Variants in WDR59 observed in about 807,000 individuals in gnomAD.
WDR59 encodes WD repeat domain 59.
A neutral mutation model predicts 131.2 loss-of-function variants in WDR59; 100 were observed. The ratio of observed to expected loss-of-function variants is 0.76; its 90% CI spans 0.65 to 0.90. WDR59 has a LOEUF of 0.90. Ranked by LOEUF, WDR59 falls within the 40% of genes least tolerant of loss-of-function variation. The pLI is 0.00. For synonymous variants in WDR59, 601 were observed against 466.2 expected (o/e 1.29, Z -3.72); for missense variants, 1,203 against 1,262.2 (o/e 0.95, Z 0.71).
At chr16:74,961,958 A>T (rs968714519) in intron 2 of WDR59, among the ~76,000 whole-genome samples, 2 of 151,966 alleles carry the variant, frequency 1.3e-5, no homozygotes, top group African/African-American at 4.8e-5. Flanking sequence ...TCTTGAGTTT[A>T]TTTTTTTATA....
Position 74,888,175 on chromosome 16 carries a change from A to G in WDR59, c.2340T>C (p.Ser780=). The G allele has an allele frequency of 6.2e-7, 1 of 1,601,720 alleles. No homozygotes were observed. The highest frequency in any genetic ancestry group is 2.2e-5 in the East Asian group (1 of 44,794). Residue 780 remains serine, a synonymous_variant, in exon 22 of 26, where the codon AGT becomes AGC. Transcript: ENST00000262144. ...NRSSNLVVSH[S]RYPSFTSSGS... is the part of the protein sequence containing the mutation. ...CAGAAAAGGACAAACTTACATATCG[A>G]CTATGGGACACCACAAGATTAGAAG...
At chr16:74,918,154 G>C in intron 10 of WDR59, 146 bp from the exon 11 acceptor site, 1 of 695,586 alleles carries the variant, frequency 1.4e-6, no homozygotes, top group Non-Finnish European at 2.5e-6. Flanking sequence ...CTAGGTACCA[G>C]GACTACAGCA....
At chr16:74,940,361 A>G (rs995572247) in intron 7 of WDR59, among the ~76,000 whole-genome samples, 1 of 151,658 alleles carries the variant, frequency 6.6e-6, no homozygotes, top group African/African-American at 2.4e-5. Context: ...CCTGGGCAAC[A>G]GAGTGAGACT....
At chr16:74,943,388 C>T (rs117274901) in intron 6 of WDR59, among the ~76,000 whole-genome samples, 2,651 of 152,188 alleles carry the variant, frequency 0.017, 43 homozygotes, top group Non-Finnish European at 0.026. Flanking sequence ...CTATGTCAGC[C>T]GTGGCCACTG....
chr16:74,909,396 G>A lies in WDR59; in HGVS notation c.1642+105C>T, dbSNP rs537628982. 49 of 1,368,368 alleles carry A rather than the reference G, an allele frequency of 3.6e-5. No homozygotes were observed. In the African/African-American group the frequency reaches 5.2e-4, roughly 15 times the overall value. The allele number at this position is 1,368,368 out of a possible 1,614,324, so 84.8% of individuals were successfully genotyped here. On this transcript the variant is annotated intron_variant, in intron 16 of 25. Transcript: ENST00000262144. ...CCATGAAAGTCTCGTTTGAGTTCTCGGGAGTAAAAGCAAACATTTTCTGAT... is the reference window on the plus strand; with the variant it reads ...CCATGAAAGTCTCGTTTGAGTTCTCAGGAGTAAAAGCAAACATTTTCTGAT...
Position 74,907,455 on chromosome 16 carries a change from A to C in WDR59, c.1712+1453T>G, listed in dbSNP as rs528390612. Among the ~76,000 whole-genome samples, 3 of 152,152 alleles carry C rather than the reference A, an allele frequency of 2.0e-5. No individual in the cohort carries two copies. The East Asian group carries it at 5.8e-4, about 29-fold the overall frequency. The stretch of plus-strand genomic sequence containing the variant: ...ATCTGACAGTTTCTCCTTCACATAC[A>C]CACTCTCTTTCGCCTGCCGCCATGT... On this transcript the variant is annotated intron_variant, in intron 17 of 25. Coordinates refer to ENST00000262144, the MANE Select transcript of WDR59 (RefSeq NM_030581.4).
intron 1 of WDR59, among the ~76,000 whole-genome samples, chr16:74,969,255 AAT>A (rs914108480): frequency 6.6e-6 from 1 of 151,892 alleles, no homozygotes. Flanking sequence ...GCTACTTATA[AAT>A]ATATATATAT....
In WDR59 at chr16:74,985,024, C is replaced by G. The variant is rs367655946; in HGVS notation, c.-7G>C. The G allele has an allele frequency of 1.3e-5, 20 of 1,568,212 alleles. No individual in the cohort carries two copies. The East Asian group carries it at 2.6e-4, about 20-fold the overall frequency. ...TGCTCCATCGCGCCGCCATCTCCCC[C>G]GCCCGGCCGCCGCGGCCCCAGGACG... On this transcript the variant is annotated 5_prime_UTR_variant, in exon 1 of 26. Transcript: ENST00000262144.
Position 74,926,737 on chromosome 16 carries a change from T to C in WDR59, c.652-2734A>G, listed in dbSNP as rs571330891. 8.3e-4 allele frequency among the ~76,000 whole-genome samples: 126 copies of C among 152,330 alleles called. 5 individuals are homozygous for C. The South Asian group carries it at 0.025, about 31-fold the overall frequency. On this transcript the variant is annotated intron_variant, in intron 8 of 25. Transcript: ENST00000262144. ...AGCAAAAGAAGAGACTTTCCAAAGG[T>C]TTTGCTTGGTTTGGTTAATAACTTT...
At chr16:74,948,069 T>C (rs1226379518) in intron 6 of WDR59, among the ~76,000 whole-genome samples, 2 of 151,926 alleles carry the variant, frequency 1.3e-5, no homozygotes, top group East Asian at 1.9e-4. Context: ...AGACTCTGTC[T>C]CAGAAAAGAA....
At chr16:74,934,809 C>T (rs555575816) in intron 8 of WDR59, among the ~76,000 whole-genome samples, 3 of 151,810 alleles carry the variant, frequency 2.0e-5, no homozygotes, top group African/African-American at 4.8e-5. Flanking sequence ...TAGATATATA[C>T]ATATCTATAT....
intron 1 of WDR59, among the ~76,000 whole-genome samples, chr16:74,968,541 C>A (rs1352985008): frequency 6.6e-6 from 1 of 151,926 alleles, no homozygotes; most frequent in Non-Finnish European, 1.5e-5. Flanking sequence ...GCCAACATGG[C>A]GAAACCCCAT....
chr16:74,967,830 CT>C (rs2033834127), intron 1 of WDR59, among the ~76,000 whole-genome samples: 1 of 143,340 alleles, frequency 7.0e-6, no homozygotes, highest in Non-Finnish European at 1.5e-5. Context: ...TGCACTCCAG[CT>C]TGGGCAATAA....
At chr16:74,914,841 C>A (rs1168949462) in intron 13 of WDR59, among the ~76,000 whole-genome samples, 14 of 152,102 alleles carry the variant, frequency 9.2e-5, no homozygotes, top group Admixed American at 9.2e-4. Flanking sequence ...ATCCGTCTAC[C>A]TTGGCCTCCC....
At chr16:74,905,483 C>T (rs1965759814) in intron 17 of WDR59, among the ~76,000 whole-genome samples, 1 of 151,348 alleles carries the variant, frequency 6.6e-6, no homozygotes, top group South Asian at 2.1e-4. Context: ...AAATCGAGAC[C>T]ATCCTGGCTA....
intron 8 of WDR59, among the ~76,000 whole-genome samples, chr16:74,928,204 G>GT (rs71378719): frequency 1.5e-4 from 17 of 114,780 alleles, no homozygotes; most frequent in African/African-American, 4.4e-4. Context: ...CTGCATCCAG[G>GT]TTTTTTTTTT....
chr16:74,909,561 A>G lies in WDR59; in HGVS notation c.1582T>C (p.Ser528Pro). Residue 528 changes from serine (S) to proline (P), a missense_variant, in exon 16 of 26, where the codon TCG (serine) becomes CCG (proline). Physicochemically the swap from Ser to Pro is moderately conservative, Grantham distance 74 (BLOSUM62 -1). Coordinates refer to ENST00000262144, the MANE Select transcript of WDR59 (RefSeq NM_030581.4). Reference sequence around the variant, plus strand: ...AAGGGAATGTTGGCGTCCTGGTACGACCCGTAAGCCGTGGTCACCCGCGCA... The same window carrying G: ...AAGGGAATGTTGGCGTCCTGGTACGGCCCGTAAGCCGTGGTCACCCGCGCA... ...TFARVTTAYGSYQDANIPFPR... is the reference protein window; with the variant it reads ...TFARVTTAYGPYQDANIPFPR... 1 of 1,610,316 alleles carries G rather than the reference A, an allele frequency of 6.2e-7. No homozygotes were observed. The highest frequency in any genetic ancestry group is 8.5e-7 in the Non-Finnish European group (1 of 1,178,742).
intron 10 of WDR59, among the ~76,000 whole-genome samples, chr16:74,921,393 A>C (rs2030209579): frequency 6.6e-6 from 1 of 152,256 alleles, no homozygotes; most frequent in South Asian, 2.1e-4. Flanking sequence ...CAGCTTAAAG[A>C]CAACATGGGT....
At chr16:74,889,135 G>A (rs1964918530) in intron 21 of WDR59, among the ~76,000 whole-genome samples, 1 of 152,230 alleles carries the variant, frequency 6.6e-6, no homozygotes, top group Admixed American at 6.5e-5. Flanking sequence ...TCAACTTGAA[G>A]TCAGGAGCGT....
Sources: gnomAD v4.1 joint callset for allele counts (sites outside exome capture counted in the v4.1 genomes callset) on GRCh38, gnomAD v4.1.1 for gene constraint, MANE v1.5 for transcripts, NCBI Gene and HGNC (gene_info 2026-07-23, HGNC 2026-07-21) for gene names.